The following ANO2 variants were observed in gnomAD, a reference collection of about 807,000 sequenced individuals.
The protein encoded by ANO2 is anoctamin-2.
ANO2 carries 101 observed loss-of-function variants against 124.2 expected under a neutral mutation model. The ratio of observed to expected loss-of-function variants is 0.81; its 90% confidence interval spans 0.69 to 0.96. The LOEUF is 0.96. ANO2 is among the 40% of genes least tolerant of loss of function. The pLI is 0.00. For synonymous variants in ANO2, 486 were observed against 482.5 expected (o/e 1.01, Z -0.09); for missense variants, 1,293 against 1,274.5 (o/e 1.01, Z -0.22).
chr12:5,854,357 G>A (rs1208054033), intron 3 of ANO2, among the ~76,000 whole-genome samples: 1 of 117,170 alleles, frequency 8.5e-6, no homozygotes, highest in Non-Finnish European at 1.6e-5. Flanking sequence ...GTAGGATAGT[G>A]TTCCCAAAGT....
At chr12:5,672,312 G>C (rs1035007139) in intron 14 of ANO2, among the ~76,000 whole-genome samples, 1 of 152,124 alleles carries the variant, frequency 6.6e-6, no homozygotes, top group African/African-American at 2.4e-5. Context: ...CTATAATTGT[G>C]GTCTGTTTAC....
At chr12:5,578,544 T>C in intron 20 of ANO2, 26 bp from the exon 21 acceptor site, 2 of 1,604,610 alleles carry the variant, frequency 1.2e-6, no homozygotes, top group Non-Finnish European at 1.7e-6. Context: ...GCATGAGGGC[T>C]TCAGCAGGAA....
At chr12:5,886,031 G>C (rs141061100) in intron 3 of ANO2, among the ~76,000 whole-genome samples, 4,119 of 152,280 alleles carry the variant, frequency 0.027, 86 homozygotes, top group Middle Eastern at 0.058. Context: ...AATCCGAATA[G>C]AGTCCTGGCC....
rs1396928553 is a variant in ANO2, at chr12:5,945,213, G to A, written c.5C>T (p.Ala2Val). Residue 2 changes from alanine (A) to valine (V), a missense_variant, in exon 1 of 25, where the codon GCG becomes GTG. Coordinates refer to ENST00000682330, the MANE Select transcript of ANO2 (RefSeq NM_001364791.2). Reference protein sequence around the residue: MATPGPRDIPLL... With the variant: MVTPGPRDIPLL... ...AAACTCACCGCGCGGCCCGGGAGTCGCCATGATGTGGACGCAGACCCCGCC... is the reference window on the plus strand; with the variant it reads ...AAACTCACCGCGCGGCCCGGGAGTCACCATGATGTGGACGCAGACCCCGCC... 2.0e-5 allele frequency: 26 copies of A among 1,288,242 alleles called. No homozygotes were observed. The highest frequency in any genetic ancestry group is 2.5e-5 in the Non-Finnish European group (25 of 988,030). 79.8% of individuals were successfully genotyped at this position (1,288,242 alleles called of 1,614,324 possible).
At chr12:5,702,573 CA>C (rs56905348) in intron 14 of ANO2, among the ~76,000 whole-genome samples, 106,144 of 144,460 alleles carry the variant, frequency 0.73, 38,396 homozygotes, top group Non-Finnish European at 0.78. Context: ...CCAAAAAATG[CA>C]AAAAAAAAAA....
intron 4 of ANO2, among the ~76,000 whole-genome samples, chr12:5,849,620 C>G (rs1190526187): frequency 6.6e-6 from 1 of 152,170 alleles, no homozygotes; most frequent in East Asian, 1.9e-4. Context: ...TTCCAAGATT[C>G]CCCCTCCCAG....
intron 7 of ANO2, among the ~76,000 whole-genome samples, chr12:5,811,550 A>G (rs894896273): frequency 6.6e-6 from 1 of 152,168 alleles, no homozygotes; most frequent in Non-Finnish European, 1.5e-5. Flanking sequence ...AATGTCCACG[A>G]AAATATAGTT....
intron 14 of ANO2, among the ~76,000 whole-genome samples, chr12:5,666,043 C>T (rs1947697957): frequency 6.6e-6 from 1 of 152,192 alleles, no homozygotes; most frequent in South Asian, 2.1e-4. Context: ...TCATCATCAT[C>T]ACCCAACTGC....
chr12:5,930,917 G>C (rs1449099069), intron 1 of ANO2, among the ~76,000 whole-genome samples: 3 of 152,070 alleles, frequency 2.0e-5, no homozygotes, highest in African/African-American at 7.2e-5. Flanking sequence ...TTGTCTTATA[G>C]CCTTGGCTCA....
At chr12:5,639,021 C>T (rs917801043) in intron 15 of ANO2, among the ~76,000 whole-genome samples, 8 of 152,134 alleles carry the variant, frequency 5.3e-5, no homozygotes, top group Admixed American at 3.3e-4. Context: ...AGTCACAGGC[C>T]TCCGTTCACG....
At chr12:5,762,063 C>T (rs537711789) in intron 10 of ANO2, among the ~76,000 whole-genome samples, 14 of 152,086 alleles carry the variant, frequency 9.2e-5, no homozygotes, top group African/African-American at 3.4e-4. Context: ...AATTGTATAA[C>T]TGTATTTTTA....
intron 14 of ANO2, among the ~76,000 whole-genome samples, chr12:5,673,914 C>A (rs986838297): frequency 1.3e-5 from 2 of 152,144 alleles, no homozygotes; most frequent in Admixed American, 1.3e-4. Context: ...CAAGGGAGGT[C>A]AAGAGACAGG....
In ANO2 at chr12:5,750,943, C is replaced by T. The variant is rs1162344324; in HGVS notation, c.1083G>A (p.Leu361=). The T allele has an allele frequency of 6.2e-7, 1 of 1,605,588 alleles. No homozygotes were observed. The highest frequency in any genetic ancestry group is 8.5e-7 in the Non-Finnish European group (1 of 1,175,830). ...TATATAATCCCAGCCAGGCAAAATA[C>T]AGTCCAATTTTTTCTCCAAAATACT... The part of the protein sequence containing the change: ...IRKYFGEKIG[L]YFAWLGLYTS... Residue 361 remains leucine, a synonymous_variant, in exon 11 of 25, where the codon CTG becomes CTA. Transcript: ENST00000682330.
At chr12:5,637,468 C>A (rs947529224) in intron 15 of ANO2, among the ~76,000 whole-genome samples, 4 of 151,790 alleles carry the variant, frequency 2.6e-5, no homozygotes, top group Admixed American at 1.3e-4. Flanking sequence ...TGAAGGAAGA[C>A]GTGGGGAGAT....
At chr12:5,614,340 G>A (rs1371422008) in intron 17 of ANO2, among the ~76,000 whole-genome samples, 1 of 152,172 alleles carries the variant, frequency 6.6e-6, no homozygotes, top group Non-Finnish European at 1.5e-5. Flanking sequence ...AGATTACTCA[G>A]GATGGGGGCA....
At chr12:5,653,624 T>C (rs1308434911) in intron 14 of ANO2, among the ~76,000 whole-genome samples, 1 of 152,190 alleles carries the variant, frequency 6.6e-6, no homozygotes, top group African/African-American at 2.4e-5. Flanking sequence ...GAAGCATACA[T>C]TGAACATCAA....
At position 5,744,197 on chromosome 12, in the gene ANO2, G is replaced by C. The variant is rs1387951882; in HGVS notation, c.1311C>G (p.Asn437Lys). 1.2e-6 allele frequency: 2 copies of C among 1,613,144 alleles called. No individual in the cohort carries two copies. ...GTAQASHLFDNPATVFFSIFM... is the reference protein window; with the variant it reads ...GTAQASHLFDKPATVFFSIFM... The stretch of plus-strand genomic sequence containing the variant: ...AGATAGAGAAGAAGACGGTGGCAGG[G>C]TTGTCAAACAGGTGGCTGGCCTGCG... The change falls in exon 12 of 25, where the codon AAC (asparagine) becomes AAG (lysine). Residue 437 changes from asparagine to lysine, a missense_variant. By Grantham distance (94) the Asn-to-Lys change is moderately conservative. Coordinates refer to ENST00000682330, the MANE Select transcript of ANO2 (RefSeq NM_001364791.2).
intron 14 of ANO2, among the ~76,000 whole-genome samples, chr12:5,731,696 G>A (rs1241945877): frequency 4.6e-5 from 7 of 151,886 alleles, no homozygotes; most frequent in Admixed American, 4.6e-4. Context: ...TACATACTCT[G>A]AGTTTTTTTA....
chr12:5,675,408 T>G (rs1948193149), intron 14 of ANO2, among the ~76,000 whole-genome samples: 6 of 152,182 alleles, frequency 3.9e-5, no homozygotes, highest in Admixed American at 3.9e-4. Context: ...CCACTGGACT[T>G]CTTAGTCTCA....
Sources: allele counts gnomAD v4.1 joint callset (sites outside exome capture counted in the v4.1 genomes callset), GRCh38; gene constraint gnomAD v4.1.1; transcripts MANE v1.5; gene names NCBI Gene and HGNC (gene_info 2026-07-23, HGNC 2026-07-21).